The following PARD3B variants were observed in gnomAD, a reference collection of about 807,000 sequenced individuals.
The protein encoded by PARD3B is par-3 family cell polarity regulator beta.
Under a neutral mutation model 130.2 loss-of-function variants are expected in PARD3B, and 103 were observed. The ratio of observed to expected loss-of-function variants is 0.79; its 90% CI spans 0.67 to 0.93. The LOEUF is 0.93. Ranked by LOEUF, PARD3B falls within the 40% of genes least tolerant of loss-of-function variation. The pLI is 0.00. For missense variants in PARD3B, 1,609 were observed against 1,499.2 expected, an observed-to-expected ratio of 1.07 and a Z score of -1.21; for synonymous variants, 583 against 553.2, an observed-to-expected ratio of 1.05 and a Z score of -0.76.
rs146812643 is a variant in PARD3B at position 204,910,864 on chromosome 2, G to C, written c.223-54288G>C. ...TCACTTTGTTAGCCAGGATGGTCTC[G>C]ATCTCCTGACCCTGTGATCCACCCA... On this transcript the variant is annotated intron_variant, in intron 2 of 22. Transcript: ENST00000406610. Among the ~76,000 whole-genome samples, 717 of 152,064 alleles carry C rather than the reference G, an allele frequency of 4.7e-3. 6 individuals carry two copies. Among genetic ancestry groups the C allele is most frequent in the African/African-American group, 0.017 (685 of 41,478 alleles).
chr2:205,106,310 C>T (rs13411502), intron 5 of PARD3B, among the ~76,000 whole-genome samples: 1,808 of 151,872 alleles, frequency 0.012, 26 homozygotes, highest in African/African-American at 0.04. Context: ...ACCCCAAACC[C>T]AGCTAATTTT....
intron 1 of PARD3B, among the ~76,000 whole-genome samples, chr2:204,611,710 G>A (rs2125116965): frequency 6.6e-6 from 1 of 152,258 alleles, no homozygotes; most frequent in South Asian, 2.1e-4. Flanking sequence ...CTATATACAT[G>A]TATGGACTAA....
intron 1 of PARD3B, among the ~76,000 whole-genome samples, chr2:204,683,327 A>G (rs1246882171): frequency 6.6e-6 from 1 of 152,190 alleles, no homozygotes; most frequent in East Asian, 1.9e-4. Context: ...ATAAAAATAT[A>G]GTAATTTTTT....
chr2:205,425,740 C>A (rs2106109905), intron 19 of PARD3B, among the ~76,000 whole-genome samples: 1 of 152,178 alleles, frequency 6.6e-6, no homozygotes, highest in African/African-American at 2.4e-5. Flanking sequence ...ACTCTACTGC[C>A]TTGACTTACT....
Position 204,606,532 on chromosome 2 carries a change from T to C in PARD3B, c.120+60413T>C, listed in dbSNP as rs2033731895. Among the ~76,000 whole-genome samples the C allele has an allele frequency of 6.6e-6, 1 of 152,170 alleles. No homozygotes were observed. The highest frequency in any genetic ancestry group is 2.4e-5 in the African/African-American group (1 of 41,454). The stretch of plus-strand genomic sequence containing the variant: ...AAGCTTCTGCACAGAGAGACCCATG[T>C]TACTTCTGCTCACATTTCGTTGGCC... On this transcript the variant is annotated intron_variant, in intron 1 of 22. Transcript: ENST00000406610. This position sits in a 1 kb window ranked among gnomAD's most constrained non-coding sequence, Gnocchi z 4.0.
chr2:204,937,704 G>A (rs919912692), intron 2 of PARD3B, among the ~76,000 whole-genome samples: 1 of 152,140 alleles, frequency 6.6e-6, no homozygotes, highest in Admixed American at 6.5e-5. Context: ...CGCTCATTAT[G>A]CATATGGCTC....
At chr2:204,759,782 C>A (rs1004235934) in intron 2 of PARD3B, among the ~76,000 whole-genome samples, 1 of 152,034 alleles carries the variant, frequency 6.6e-6, no homozygotes, top group Admixed American at 6.6e-5. Context: ...GTGATTATAC[C>A]TGTTTTCTTA....
At chr2:204,978,965 CAAAAAAAAAAAAAA>C (rs34432147) in intron 3 of PARD3B, among the ~76,000 whole-genome samples, 1 of 74,908 alleles carries the variant, frequency 1.3e-5, no homozygotes, top group African/African-American at 5.8e-5. Context: ...ACCCTGGCCT[CAAAAAAAAAAAAAA>C]AAAAAAAGAC....
chr2:204,582,501 G>A (rs2032610158), intron 1 of PARD3B, among the ~76,000 whole-genome samples: 1 of 88,372 alleles, frequency 1.1e-5, no homozygotes, highest in Non-Finnish European at 3.4e-5. Flanking sequence ...ATAGATTGAG[G>A]TTCCCCCCCC....
chr2:204,597,026 A>G (rs1243748577), intron 1 of PARD3B, among the ~76,000 whole-genome samples: 12 of 151,880 alleles, frequency 7.9e-5, no homozygotes, highest in Non-Finnish European at 1.3e-4. Context: ...TGCATGGAAC[A>G]TTCGTATTTG....
chr2:205,256,055 T>C (rs1390341140), intron 16 of PARD3B, among the ~76,000 whole-genome samples: 1 of 152,134 alleles, frequency 6.6e-6, no homozygotes, highest in Non-Finnish European at 1.5e-5. Context: ...AGTCATCTTA[T>C]TAACGTTCAA....
rs2051286717 is a variant in PARD3B at position 205,525,285 on chromosome 2, G to GTCTC, written c.3180+25256_3180+25259dup. On this transcript the variant is annotated intron_variant, in intron 21 of 22. Transcript: ENST00000406610. The surrounding 1 kb of genome is among the most constrained non-coding windows in gnomAD (Gnocchi z 4.2). The stretch of plus-strand genomic sequence containing the variant: ...GTTTCCTTACCACTCCAAGAGTGGG[G>GTCTC]TCTCTGGAAAATATAGTAACAAAGC... Among the ~76,000 whole-genome samples, 2 of 152,130 alleles carry GTCTC rather than the reference G, an allele frequency of 1.3e-5. No individual in the cohort carries two copies. The highest frequency in any genetic ancestry group is 2.4e-5 in the African/African-American group (1 of 41,430).
At chr2:204,712,962 A>T (rs1041898296) in intron 2 of PARD3B, among the ~76,000 whole-genome samples, 2 of 151,758 alleles carry the variant, frequency 1.3e-5, no homozygotes, top group African/African-American at 4.8e-5. Flanking sequence ...TTCTTCTGTG[A>T]TTTGCTTTTT....
chr2:204,590,730 C>T (rs990750576), intron 1 of PARD3B, among the ~76,000 whole-genome samples: 2 of 152,230 alleles, frequency 1.3e-5, no homozygotes, highest in African/African-American at 4.8e-5. Context: ...GACTAGGACT[C>T]AGGCTTTTAA....
chr2:205,044,597 A>G (rs1326297127), intron 3 of PARD3B, among the ~76,000 whole-genome samples: 1 of 151,988 alleles, frequency 6.6e-6, no homozygotes, highest in Non-Finnish European at 1.5e-5. Context: ...GGCTGCATAA[A>G]TGTCTTCTTT....
intron 20 of PARD3B, among the ~76,000 whole-genome samples, chr2:205,492,612 G>T (rs967183402): frequency 6.6e-6 from 1 of 151,936 alleles, no homozygotes; most frequent in African/African-American, 2.4e-5. Flanking sequence ...AAATTTCACC[G>T]GGCTAAACAG....
At chr2:204,958,805 G>A (rs1260466310) in intron 2 of PARD3B, among the ~76,000 whole-genome samples, 1 of 152,082 alleles carries the variant, frequency 6.6e-6, no homozygotes, top group African/African-American at 2.4e-5. Context: ...ACTTTTACTA[G>A]TGATATTGAT....
rs141015381 is a variant in PARD3B, at chr2:205,576,317, G to A, written c.3260+22914G>A. Among the ~76,000 whole-genome samples the A allele has an allele frequency of 5.8e-3, 783 of 135,958 alleles. 7 individuals carry two copies. The highest frequency in any genetic ancestry group is 0.02 in the African/African-American group (737 of 37,412). 89.2% of individuals were successfully genotyped at this position (135,958 alleles called of 152,430 possible). ...TGCAAATATTTTCTGCCAATTGGTGGCTTTTTTTTTTTTCATGGATTGTGA... is the reference window on the plus strand; with the variant it reads ...TGCAAATATTTTCTGCCAATTGGTGACTTTTTTTTTTTTCATGGATTGTGA... On this transcript the variant is annotated intron_variant, in intron 22 of 22. Transcript: ENST00000406610.
At chr2:204,844,150 T>G (rs1168801101) in intron 2 of PARD3B, among the ~76,000 whole-genome samples, 7 of 152,304 alleles carry the variant, frequency 4.6e-5, no homozygotes, top group African/African-American at 1.7e-4. Flanking sequence ...AAGGAAGTGG[T>G]TACCTTTTAA....
Sources: allele counts gnomAD v4.1 joint callset (sites outside exome capture counted in the v4.1 genomes callset), GRCh38; gene constraint gnomAD v4.1.1; non-coding constraint Gnocchi (gnomAD v3.1); transcripts MANE v1.5; gene names NCBI Gene and HGNC (gene_info 2026-07-23, HGNC 2026-07-21).